The following PCDHGA5 variants were observed in gnomAD, a reference collection of about 807,000 sequenced individuals.
The protein encoded by PCDHGA5 is protocadherin gamma subfamily A, 5.
PCDHGA5 carries 36 observed loss-of-function variants against 56.7 expected under a neutral mutation model. The observed-to-expected ratio is 0.64, with a 90% CI of 0.49 to 0.84. PCDHGA5 has a LOEUF of 0.84. Among genes scored for constraint, PCDHGA5 ranks in the 40% least tolerant of loss-of-function variants. PCDHGA5 has a pLI of 0.00. For missense variants in PCDHGA5, 1,305 were observed against 1,201.5 expected, an observed-to-expected ratio of 1.09 and a Z score of -1.27; for synonymous variants, 563 against 520.2, an observed-to-expected ratio of 1.08 and a Z score of -1.12.
intron 1 of PCDHGA5, chr5:141,396,034 A>G (rs968115375): frequency 1.3e-5 from 2 of 152,256 alleles, no homozygotes; most frequent in African/African-American, 2.4e-5. Context: ...ATGTAAGAAC[A>G]TATTTCAATA....
At chr5:141,507,442 C>T (rs748782097) in intron 3 of PCDHGA5, among the ~76,000 whole-genome samples, 1 of 152,162 alleles carries the variant, frequency 6.6e-6, no homozygotes, top group African/African-American at 2.4e-5. Flanking sequence ...CTACAGCTGA[C>T]GGAAGGACAG....
In PCDHGA5 at chr5:141,431,827, TC is replaced by T. The variant is rs571306928; in HGVS notation, c.2422-62977del. 1.2e-3 allele frequency: 2,007 copies of T among 1,614,226 alleles called. No individual in the cohort carries two copies. The highest frequency in any genetic ancestry group is 1.5e-3 in the Non-Finnish European group (1,827 of 1,180,024). On this transcript the variant is annotated intron_variant, in intron 1 of 3. Coordinates refer to ENST00000518069, the MANE Select transcript of PCDHGA5 (RefSeq NM_018918.3). This position sits in a 1 kb window ranked among gnomAD's most constrained non-coding sequence, Gnocchi z 4.8. ...TCCTCACCTCTCTCGCCAGCTCGGT[TC>T]CCGAAAACTCTCCCAGAGGGACATT...
At chr5:141,411,309 C>A (rs2095479833) in intron 1 of PCDHGA5, 1 of 152,130 alleles carries the variant, frequency 6.6e-6, no homozygotes, top group African/African-American at 2.4e-5. Context: ...GTGGCTCACA[C>A]CTATAATCAC....
rs755499740 is a variant in PCDHGA5 at position 141,389,751 on chromosome 5, G to C, written c.2421+23000G>C. 1.9e-6 allele frequency: 3 copies of C among 1,612,800 alleles called. No individual in the cohort carries two copies. The highest frequency in any genetic ancestry group is 1.1e-5 in the South Asian group (1 of 91,032). ...CTTCAGCCTGGGGCTGCGCACGGGC[G>C]AAGTGCGCACAGCGCGTGCCTTAGG... On this transcript the variant is annotated intron_variant, in intron 1 of 3. Coordinates refer to ENST00000518069, the MANE Select transcript of PCDHGA5 (RefSeq NM_018918.3).
intron 1 of PCDHGA5, among the ~76,000 whole-genome samples, chr5:141,435,314 G>C (rs1490871069): frequency 6.6e-6 from 1 of 152,006 alleles, no homozygotes; most frequent in African/African-American, 2.4e-5. Flanking sequence ...AATCATTCAT[G>C]AACTTCCAAA....
chr5:141,482,530 C>CA (rs3074545), intron 1 of PCDHGA5, among the ~76,000 whole-genome samples: 3,839 of 76,186 alleles, frequency 0.05, 137 homozygotes, highest in East Asian at 0.1. Context: ...GACAGACATG[C>CA]AAAAAAAAAA....
intron 1 of PCDHGA5, chr5:141,392,647 C>A: frequency 1.5e-6 from 1 of 685,816 alleles, no homozygotes; most frequent in Non-Finnish European, 2.3e-6. Flanking sequence ...CTCACGAAGA[C>A]CCGCAGATGC....
chr5:141,423,157 G>A (rs527921011), intron 1 of PCDHGA5: 1 of 1,610,820 alleles, frequency 6.2e-7, no homozygotes, highest in Non-Finnish European at 8.5e-7. Flanking sequence ...GCAGAGCCTC[G>A]TGGTGGCCGT....
chr5:141,407,808 C>T (rs1182707356), intron 1 of PCDHGA5, among the ~76,000 whole-genome samples: 1 of 152,136 alleles, frequency 6.6e-6, no homozygotes, highest in Non-Finnish European at 1.5e-5. Context: ...ATAGAAATAT[C>T]TACTATAATA....
intron 1 of PCDHGA5, chr5:141,478,227 G>A: frequency 6.2e-7 from 1 of 1,614,104 alleles, no homozygotes; most frequent in Non-Finnish European, 8.5e-7. Context: ...GTTTCTGTGG[G>A]GTTTGTGGTC....
chr5:141,418,013 A>C (rs769578436), intron 1 of PCDHGA5: 2 of 1,613,906 alleles, frequency 1.2e-6, no homozygotes, highest in African/African-American at 2.7e-5. Flanking sequence ...GAACCTCGCT[A>C]AGGATCTAGG....
intron 1 of PCDHGA5, chr5:141,405,481 G>A: frequency 2.0e-6 from 2 of 992,130 alleles, no homozygotes; most frequent in Middle Eastern, 2.6e-4. Context: ...ATGCAGTGGT[G>A]TGATCTCGGC....
At chr5:141,379,593 AC>A (rs1775703652) in intron 1 of PCDHGA5, 1 of 152,152 alleles carries the variant, frequency 6.6e-6, no homozygotes, top group Non-Finnish European at 1.5e-5. Flanking sequence ...TTCTCTTATT[AC>A]CTGTGACCAT....
intron 1 of PCDHGA5, chr5:141,410,843 C>CTT: frequency 4.6e-6 from 1 of 216,280 alleles, no homozygotes; most frequent in South Asian, 8.0e-5. Flanking sequence ...GATATTTTGT[C>CTT]TTTGTCTTTT....
chr5:141,365,759 C>G lies in PCDHGA5; in HGVS notation c.1429C>G (p.His477Asp), dbSNP rs376978243. The G allele has an allele frequency of 9.9e-6, 16 of 1,613,742 alleles. No individual in the cohort carries two copies. The highest frequency in any genetic ancestry group is 1.2e-5 in the Non-Finnish European group (14 of 1,179,906). ...TGTCTCTATCTTCTCTGTGACAGCCCATGACCCCGACAGCGGCGACAACGC... is the reference window on the plus strand; with the variant it reads ...TGTCTCTATCTTCTCTGTGACAGCCGATGACCCCGACAGCGGCGACAACGC... ...RGVSIFSVTA[H>D]DPDSGDNARV... The change falls in exon 1 of 4, where the codon CAT becomes GAT. Residue 477 changes from histidine to aspartate, a missense_variant. His to Asp is a moderately conservative substitution (Grantham distance 81). Transcript: ENST00000518069.
In PCDHGA5 at chr5:141,512,385, A is replaced by G. The variant is rs78180647; in HGVS notation, c.*1212A>G. 6,750 of 152,704 alleles carry G rather than the reference A, an allele frequency of 0.044. 413 individuals carry two copies. Among genetic ancestry groups the G allele is most frequent in the Admixed American group, 0.18 (2,745 of 15,296 alleles). The allele number at this position is 152,704 out of a possible 1,614,324, so 9.5% of individuals were successfully genotyped here. ...TAGGGCAGGGACCAAATGAACAGAAAGTCTCAGCCCAGGATGGGGCTTCTT... is the reference window on the plus strand; with the variant it reads ...TAGGGCAGGGACCAAATGAACAGAAGGTCTCAGCCCAGGATGGGGCTTCTT... On this transcript the variant is annotated 3_prime_UTR_variant, in exon 4 of 4. Coordinates refer to ENST00000518069, the MANE Select transcript of PCDHGA5 (RefSeq NM_018918.3).
At chr5:141,404,387 C>G in intron 1 of PCDHGA5, 3 of 1,613,874 alleles carry the variant, frequency 1.9e-6, no homozygotes, top group Non-Finnish European at 2.5e-6. Context: ...TGCCTATGAC[C>G]CTGATAGCAA....
At position 141,365,691 on chromosome 5, in the gene PCDHGA5, A is replaced by C; in HGVS notation, c.1361A>C (p.Gln454Pro). The C allele has an allele frequency of 3.1e-6, 5 of 1,613,420 alleles. No individual in the cohort carries two copies. The highest frequency in any genetic ancestry group is 4.2e-6 in the Non-Finnish European group (5 of 1,179,786). The change falls in exon 1 of 4, where the codon CAA (glutamine) becomes CCA (proline). Residue 454 changes from glutamine to proline, a missense_variant. Transcript: ENST00000518069. Reference sequence around the variant, plus strand: ...AATGACAACCCACCCAATTTCCCTCAAGCCTCCTACTCCACCTCTGTCACA... The same window carrying C: ...AATGACAACCCACCCAATTTCCCTCCAGCCTCCTACTCCACCTCTGTCACA... ...DVNDNPPNFP[Q>P]ASYSTSVTEN... is the part of the protein sequence containing the mutation.
At position 141,370,127 on chromosome 5, in the gene PCDHGA5, G is replaced by A. The variant is rs1588666057; in HGVS notation, c.2421+3376G>A. ...TTTCTCCTAACTAGCTCCTTATTTGGAGCTGATTTAGTCACCATTACTGCA... is the reference window on the plus strand; with the variant it reads ...TTTCTCCTAACTAGCTCCTTATTTGAAGCTGATTTAGTCACCATTACTGCA... On this transcript the variant is annotated intron_variant, in intron 1 of 3. Transcript: ENST00000518069. 5 of 394,722 alleles carry A rather than the reference G, an allele frequency of 1.3e-5. No individual in the cohort carries two copies. The East Asian group carries it at 1.9e-4, about 15-fold the overall frequency. 24.5% of individuals were successfully genotyped at this position (394,722 alleles called of 1,614,324 possible). A position where few individuals can be genotyped will look rare whatever the true frequency, so the allele number is the denominator to read the frequency against.
Sources: gnomAD v4.1 joint callset for allele counts (sites outside exome capture counted in the v4.1 genomes callset) on GRCh38, gnomAD v4.1.1 for gene constraint, Gnocchi (gnomAD v3.1) non-coding constraint, MANE v1.5 for transcripts, NCBI Gene and HGNC (gene_info 2026-07-23, HGNC 2026-07-21) for gene names.